The following ST8SIA1 variants were observed in gnomAD, a reference collection of about 807,000 sequenced individuals.
The protein encoded by ST8SIA1 is alpha-N-acetylneuraminide alpha-2,8-sialyltransferase.
Under a neutral mutation model 35.9 loss-of-function variants are expected in ST8SIA1, and 16 were observed. The ratio of observed to expected loss-of-function variants is 0.45; its 90% confidence interval spans 0.30 to 0.68. ST8SIA1 has a LOEUF of 0.68. ST8SIA1 is among the 30% of genes least tolerant of loss of function. ST8SIA1 has a pLI of 0.09. For missense variants in ST8SIA1, 383 were observed against 453.6 expected, an observed-to-expected ratio of 0.84 and a Z score of 1.41; for synonymous variants, 170 against 169.6, an observed-to-expected ratio of 1.00 and a Z score of -0.02.
intron 1 of ST8SIA1, among the ~76,000 whole-genome samples, chr12:22,306,815 T>A (rs1866389753): frequency 6.6e-6 from 1 of 152,150 alleles, no homozygotes; most frequent in Non-Finnish European, 1.5e-5. Flanking sequence ...TTTCTCTCCC[T>A]GGAACTCCTA....
intron 3 of ST8SIA1, among the ~76,000 whole-genome samples, chr12:22,250,189 C>G (rs79033110): frequency 1.3e-5 from 2 of 152,116 alleles, no homozygotes; most frequent in Non-Finnish European, 2.9e-5. Flanking sequence ...ATGACCACTG[C>G]GAATTCAAAT....
At chr12:22,298,513 G>A (rs1362054757) in intron 1 of ST8SIA1, among the ~76,000 whole-genome samples, 1 of 152,178 alleles carries the variant, frequency 6.6e-6, no homozygotes, top group Non-Finnish European at 1.5e-5. Context: ...AGAAGTCTGT[G>A]TTGATTGTTG....
At chr12:22,240,679 G>A (rs1405702873) in intron 4 of ST8SIA1, among the ~76,000 whole-genome samples, 7 of 152,064 alleles carry the variant, frequency 4.6e-5, no homozygotes, top group African/African-American at 1.7e-4. Context: ...TTTCCTCAAA[G>A]CTCAAGTTAT....
rs932161296 is a variant in ST8SIA1 at position 22,265,079 on chromosome 12, T to G, written c.382-9690A>C. On this transcript the variant is annotated intron_variant, in intron 2 of 4. Transcript: ENST00000396037. ...CAGTTCATGTGCCCATGCAGCAGAT[T>G]TATTAAACATTTCATAGTCAAGTCC... Among the ~76,000 whole-genome samples the G allele has an allele frequency of 2.6e-5, 4 of 152,248 alleles. No individual in the cohort carries two copies. The South Asian group carries it at 6.2e-4, about 24-fold the overall frequency.
intron 4 of ST8SIA1, among the ~76,000 whole-genome samples, chr12:22,217,167 A>G (rs1865242846): frequency 6.6e-6 from 1 of 152,306 alleles, no homozygotes; most frequent in Non-Finnish European, 1.5e-5. Context: ...GACAAATAAA[A>G]TTGTACTTGC....
At chr12:22,240,313 T>G (rs559185632) in intron 4 of ST8SIA1, among the ~76,000 whole-genome samples, 1 of 152,346 alleles carries the variant, frequency 6.6e-6, no homozygotes, top group East Asian at 1.9e-4. Context: ...TCAAAACTTG[T>G]GTTCTTCACT....
At chr12:22,323,067 G>T (rs1347914318) in intron 1 of ST8SIA1, among the ~76,000 whole-genome samples, 1 of 152,142 alleles carries the variant, frequency 6.6e-6, no homozygotes, top group African/African-American at 2.4e-5. Context: ...CTAATTATCA[G>T]CTGTACTGTA....
At chr12:22,275,063 T>C (rs1865953617) in intron 2 of ST8SIA1, among the ~76,000 whole-genome samples, 1 of 152,128 alleles carries the variant, frequency 6.6e-6, no homozygotes, top group Non-Finnish European at 1.5e-5. Flanking sequence ...TGCCAGGTGG[T>C]TGAGACTTGG....
chr12:22,323,243 A>G (rs1866626767), intron 1 of ST8SIA1, among the ~76,000 whole-genome samples: 1 of 152,200 alleles, frequency 6.6e-6, no homozygotes, highest in Non-Finnish European at 1.5e-5. Flanking sequence ...AATCCACCTA[A>G]GGGAAATTTT....
At chr12:22,320,413 A>AG (rs1866571506) in intron 1 of ST8SIA1, among the ~76,000 whole-genome samples, 1 of 152,152 alleles carries the variant, frequency 6.6e-6, no homozygotes, top group African/African-American at 2.4e-5. Context: ...GATTTATACT[A>AG]GGGAAGGAGC....
chr12:22,246,786 TTTC>T (rs1470551728), intron 4 of ST8SIA1, among the ~76,000 whole-genome samples: 2 of 152,018 alleles, frequency 1.3e-5, no homozygotes, highest in African/African-American at 2.4e-5. Context: ...ACATCACAGG[TTTC>T]TTCTTCTGTC....
chr12:22,258,582 G>A (rs1367301272), intron 2 of ST8SIA1, among the ~76,000 whole-genome samples: 2 of 152,184 alleles, frequency 1.3e-5, no homozygotes, highest in Admixed American at 1.3e-4. Flanking sequence ...TTAGCAACAG[G>A]AAGGTCACTG....
chr12:22,299,336 T>C (rs1461544364), intron 1 of ST8SIA1, among the ~76,000 whole-genome samples: 4 of 152,238 alleles, frequency 2.6e-5, no homozygotes, highest in South Asian at 2.1e-4. Flanking sequence ...AAGAAAGTTA[T>C]AGAAATAAAG....
intron 4 of ST8SIA1, among the ~76,000 whole-genome samples, chr12:22,233,610 C>T (rs1016034464): frequency 2.6e-5 from 4 of 151,876 alleles, no homozygotes; most frequent in East Asian, 3.9e-4. Flanking sequence ...GGGTAAGCTG[C>T]GATGCCAACC....
intron 2 of ST8SIA1, among the ~76,000 whole-genome samples, chr12:22,270,770 T>C (rs992480879): frequency 1.3e-5 from 2 of 152,330 alleles, no homozygotes; most frequent in Non-Finnish European, 1.5e-5. Flanking sequence ...AGTATATCCA[T>C]GGAACAAAAT....
chr12:22,317,759 T>A (rs1866538725), intron 1 of ST8SIA1, among the ~76,000 whole-genome samples: 2 of 152,050 alleles, frequency 1.3e-5, no homozygotes, highest in Admixed American at 1.3e-4. Flanking sequence ...TAGTAGTGAG[T>A]CACTAAACGC....
intron 2 of ST8SIA1, among the ~76,000 whole-genome samples, chr12:22,258,225 G>T (rs1415991840): frequency 6.6e-6 from 1 of 152,144 alleles, no homozygotes; most frequent in East Asian, 1.9e-4. Flanking sequence ...ACATATGGAA[G>T]ACTACAGGAG....
chr12:22,301,355 G>A (rs1240823141), intron 1 of ST8SIA1, among the ~76,000 whole-genome samples: 1 of 151,940 alleles, frequency 6.6e-6, no homozygotes, highest in Non-Finnish European at 1.5e-5. Flanking sequence ...ACTAATAGAA[G>A]ACTGGAGTAA....
At chr12:22,290,430 A>C (rs2135818601) in intron 1 of ST8SIA1, among the ~76,000 whole-genome samples, 1 of 152,332 alleles carries the variant, frequency 6.6e-6, no homozygotes, top group Non-Finnish European at 1.5e-5. Context: ...AAGTAGTAGT[A>C]GTGATTTTTA....
Sources: gnomAD v4.1 joint callset for allele counts (sites outside exome capture counted in the v4.1 genomes callset) on GRCh38, gnomAD v4.1.1 for gene constraint, MANE v1.5 for transcripts, NCBI Gene and HGNC (gene_info 2026-07-23, HGNC 2026-07-21) for gene names.